Variants in SNX29 observed in about 807,000 individuals in gnomAD.
The protein encoded by SNX29 is sorting nexin 29.
A neutral mutation model predicts 102.1 loss-of-function variants in SNX29; 78 were observed. The observed-to-expected ratio is 0.76, with a 90% CI of 0.64 to 0.92. The LOEUF is 0.92. Among genes scored for constraint, SNX29 ranks in the 40% least tolerant of loss-of-function variants. The pLI, the probability that SNX29 is intolerant of heterozygous loss-of-function variation, is 0.00. For synonymous variants in SNX29, 580 were observed against 414.5 expected (o/e 1.40, Z -4.85); for missense variants, 1,280 against 1,061.7 (o/e 1.21, Z -2.86).
intron 7 of SNX29, 61 bp downstream of exon 7, chr16:12,048,681 G>A: frequency 1.2e-6 from 2 of 1,613,432 alleles, no homozygotes; most frequent in Non-Finnish European, 1.7e-6. Flanking sequence ...GGATGGGGTG[G>A]ACATATCTTG....
At chr16:12,369,112 G>A (rs1783823631) in intron 16 of SNX29, among the ~76,000 whole-genome samples, 1 of 151,914 alleles carries the variant, frequency 6.6e-6, no homozygotes, top group Admixed American at 6.6e-5. Flanking sequence ...GCTCCTGCCT[G>A]GTATGCATGT....
chr16:12,571,344 C>T lies in SNX29; in HGVS notation c.*2715C>T, dbSNP rs1486141102. 8.6e-6 allele frequency: 2 copies of T among 231,416 alleles called. No homozygotes were observed. The highest frequency in any genetic ancestry group is 1.7e-5 in the Non-Finnish European group (2 of 117,008). The allele number at this position is 231,416 out of a possible 1,614,324, so 14.3% of individuals were successfully genotyped here. On this transcript the variant is annotated 3_prime_UTR_variant, in exon 21 of 21. Coordinates refer to ENST00000566228, the MANE Select transcript of SNX29 (RefSeq NM_032167.5). ...GTCAGCCTGGATTCAATTCTGAGGG[C>T]TAAGCCACGACCTTATCCATGAGTG...
chr16:12,158,976 C>A (rs141359994), intron 13 of SNX29, among the ~76,000 whole-genome samples: 1 of 152,114 alleles, frequency 6.6e-6, no homozygotes, highest in Non-Finnish European at 1.5e-5. Flanking sequence ...GGAGAATGGG[C>A]GGAGAATGAG....
At chr16:12,240,756 C>A (rs956238054) in intron 14 of SNX29, among the ~76,000 whole-genome samples, 1 of 151,638 alleles carries the variant, frequency 6.6e-6, no homozygotes, top group Non-Finnish European at 1.5e-5. Context: ...TGTGTGTGTG[C>A]CACCATACTG....
chr16:12,091,014 C>CAAAAAAAAAA (rs58933500), intron 11 of SNX29, among the ~76,000 whole-genome samples: 36 of 53,366 alleles, frequency 6.7e-4, no homozygotes, highest in African/African-American at 9.3e-4. Flanking sequence ...GACTTCATCT[C>CAAAAAAAAAA]AAAAAAAAAA....
intron 13 of SNX29, among the ~76,000 whole-genome samples, chr16:12,170,267 A>C (rs925446315): frequency 4.0e-5 from 6 of 151,898 alleles, no homozygotes; most frequent in Non-Finnish European, 5.9e-5. Context: ...GTGGCAGCGC[A>C]TGTGATGGTG....
chr16:12,192,635 T>A (rs1180770706), intron 13 of SNX29, among the ~76,000 whole-genome samples: 2 of 150,560 alleles, frequency 1.3e-5, no homozygotes, highest in Non-Finnish European at 3.0e-5. Context: ...CCTCAGCCTC[T>A]GGAGAAGCTG....
chr16:12,403,214 G>A lies in SNX29; in HGVS notation c.1956-234G>A, dbSNP rs987589101. 9.5e-4 allele frequency among the ~76,000 whole-genome samples: 137 copies of A among 144,432 alleles called. 2 individuals are homozygous for A. The South Asian group carries it at 0.012, about 12-fold the overall frequency. The allele number at this position is 144,432 out of a possible 152,430, so 94.8% of individuals were successfully genotyped here. Reference sequence around the variant, plus strand: ...AGATTGTGTGTGTATGTGTGTGTGTGTGTGTGTGTGTGTGTGTGTGTGTGT... The same window carrying A: ...AGATTGTGTGTGTATGTGTGTGTGTATGTGTGTGTGTGTGTGTGTGTGTGT... On this transcript the variant is annotated intron_variant, in intron 17 of 20. Transcript: ENST00000566228.
chr16:12,478,299 CCT>C (rs1453522072), intron 19 of SNX29, among the ~76,000 whole-genome samples: 3 of 152,148 alleles, frequency 2.0e-5, no homozygotes, highest in African/African-American at 7.2e-5. Flanking sequence ...TTTGCCAACC[CCT>C]GTTCTGGACC....
intron 14 of SNX29, among the ~76,000 whole-genome samples, chr16:12,204,604 T>G (rs1172156212): frequency 6.6e-6 from 1 of 152,256 alleles, no homozygotes; most frequent in Non-Finnish European, 1.5e-5. Flanking sequence ...AATAGACCAT[T>G]GCTGGTGGCC....
At chr16:12,547,052 C>G (rs1211530199) in intron 20 of SNX29, among the ~76,000 whole-genome samples, 6 of 152,132 alleles carry the variant, frequency 3.9e-5, no homozygotes, top group African/African-American at 9.7e-5. Context: ...ATGGGGGACA[C>G]AGACATTGAA....
intron 15 of SNX29, among the ~76,000 whole-genome samples, chr16:12,306,921 G>A (rs1005240672): frequency 4.9e-4 from 74 of 152,226 alleles, no homozygotes; most frequent in African/African-American, 1.7e-3. Flanking sequence ...TTCGGTGATC[G>A]CAGGAACACA....
intron 7 of SNX29, 46 bp downstream of exon 7, chr16:12,048,666 G>T (rs1447676645): frequency 6.2e-7 from 1 of 1,613,784 alleles, no homozygotes; most frequent in Non-Finnish European, 8.5e-7. Flanking sequence ...GAATCAGAAT[G>T]TGGCGGATGG....
intron 18 of SNX29, among the ~76,000 whole-genome samples, chr16:12,427,268 G>T (rs941989993): frequency 6.6e-6 from 1 of 151,660 alleles, no homozygotes; most frequent in African/African-American, 2.4e-5. Flanking sequence ...TTTGTTTGTC[G>T]TTGCTGTTGT....
rs535802538 is a variant in SNX29 at position 12,097,164 on chromosome 16, T to C, written c.1402+18249T>C. On this transcript the variant is annotated intron_variant, in intron 11 of 20. Transcript: ENST00000566228. ...CATTGGTGATGGTGCTGCCGAGTAC[T>C]GAGTCTGTCCTTGTCACCCGTTAAC... 5.2e-5 allele frequency among the ~76,000 whole-genome samples: 8 copies of C among 152,384 alleles called. 1 individual carries two copies. In the South Asian group the frequency reaches 1.7e-3, roughly 32 times the overall value.
At chr16:12,384,537 A>G (rs1402272305) in intron 16 of SNX29, among the ~76,000 whole-genome samples, 1 of 152,118 alleles carries the variant, frequency 6.6e-6, no homozygotes, top group Admixed American at 6.5e-5. Flanking sequence ...GTCGTTTCAG[A>G]TCTTTTGCCT....
At chr16:12,525,651 C>T (rs546702554) in intron 20 of SNX29, among the ~76,000 whole-genome samples, 7 of 151,424 alleles carry the variant, frequency 4.6e-5, no homozygotes, top group Non-Finnish European at 7.4e-5. Context: ...GAGATTGTGC[C>T]GCTGCACTCC....
intron 15 of SNX29, among the ~76,000 whole-genome samples, chr16:12,306,223 A>G (rs2080333083): frequency 1.3e-5 from 2 of 152,198 alleles, no homozygotes; most frequent in South Asian, 2.1e-4. Context: ...TTTGATATAG[A>G]AAGAGTTGCA....
Position 12,569,797 on chromosome 16 carries a change from G to A in SNX29, c.*1168G>A, listed in dbSNP as rs945903492. On this transcript the variant is annotated 3_prime_UTR_variant, in exon 21 of 21. Transcript: ENST00000566228. Reference sequence around the variant, plus strand: ...CACAGAGCAATAGCCGTCCTCAGATGCTCAGCAAAGTTGTGGCAGTTTGCA... The same window carrying A: ...CACAGAGCAATAGCCGTCCTCAGATACTCAGCAAAGTTGTGGCAGTTTGCA... 4.3e-6 allele frequency: 1 copy of A among 230,302 alleles called. No homozygotes were observed. The highest frequency in any genetic ancestry group is 8.6e-6 in the Non-Finnish European group (1 of 116,196). The allele number at this position is 230,302 out of a possible 1,614,324, so 14.3% of individuals were successfully genotyped here. A position where few individuals can be genotyped will look rare whatever the true frequency, so the allele number is the denominator to read the frequency against.
Sources: gnomAD v4.1 joint callset for allele counts (sites outside exome capture counted in the v4.1 genomes callset) on GRCh38, gnomAD v4.1.1 for gene constraint, MANE v1.5 for transcripts, NCBI Gene and HGNC (gene_info 2026-07-23, HGNC 2026-07-21) for gene names.